The following CNGB3 variants were observed in gnomAD, a reference collection of about 807,000 sequenced individuals.
CNGB3 encodes the protein cyclic nucleotide-gated channel beta-3.
CNGB3 carries 86 observed loss-of-function variants against 92.8 expected under a neutral mutation model. The observed-to-expected ratio is 0.93, with a 90% CI of 0.78 to 1.11. The LOEUF is 1.11. CNGB3 is among the 50% of genes least tolerant of loss of function. The pLI, the probability that CNGB3 is intolerant of heterozygous loss-of-function variation, is 0.00. For synonymous variants in CNGB3, 333 were observed against 332.7 expected (o/e 1.00, Z -0.01); for missense variants, 1,026 against 956.8 (o/e 1.07, Z -0.95).
intron 3 of CNGB3, among the ~76,000 whole-genome samples, chr8:86,724,944 C>T (rs1825034754): frequency 6.6e-6 from 1 of 152,004 alleles, no homozygotes; most frequent in South Asian, 2.1e-4. Flanking sequence ...AGAGACAGAC[C>T]AGGCAGGGCC....
intron 3 of CNGB3, among the ~76,000 whole-genome samples, chr8:86,685,223 C>T (rs1183826365): frequency 2.6e-5 from 4 of 152,028 alleles, no homozygotes; most frequent in Non-Finnish European, 5.9e-5. Flanking sequence ...GCCTCACTAA[C>T]CTGAGGGCAG....
intron 3 of CNGB3, among the ~76,000 whole-genome samples, chr8:86,674,129 C>T (rs1253694679): frequency 1.3e-5 from 2 of 152,126 alleles, no homozygotes; most frequent in South Asian, 2.1e-4. Context: ...ATATAAAAAG[C>T]TATGTTGAAT....
At chr8:86,590,259 A>G (rs1821998345) in intron 15 of CNGB3, among the ~76,000 whole-genome samples, 1 of 151,896 alleles carries the variant, frequency 6.6e-6, no homozygotes, top group Non-Finnish European at 1.5e-5. Flanking sequence ...GGTTTCCTGA[A>G]TACAGCACAC....
At chr8:86,685,418 C>T (rs12676456) in intron 3 of CNGB3, among the ~76,000 whole-genome samples, 24,407 of 151,992 alleles carry the variant, frequency 0.16, 2,428 homozygotes, top group Middle Eastern at 0.31. Context: ...TTTATATGCA[C>T]GTCGACGTTT....
chr8:86,712,545 A>G (rs1476742597), intron 3 of CNGB3, among the ~76,000 whole-genome samples: 8 of 152,010 alleles, frequency 5.3e-5, no homozygotes, highest in African/African-American at 1.9e-4. Context: ...ACTTAAATCC[A>G]CCTTTTTCCT....
At chr8:86,621,718 T>C (rs1018214198) in intron 13 of CNGB3, among the ~76,000 whole-genome samples, 1 of 152,164 alleles carries the variant, frequency 6.6e-6, no homozygotes, top group African/African-American at 2.4e-5. Flanking sequence ...CTCCCACTTA[T>C]AAATGAGTAT....
intron 10 of CNGB3, among the ~76,000 whole-genome samples, chr8:86,636,487 C>T (rs1376179199): frequency 2.1e-5 from 3 of 140,012 alleles, no homozygotes; most frequent in South Asian, 2.3e-4. Context: ...GCAGGAGAAT[C>T]GCTTGAACCC....
In CNGB3 at chr8:86,575,646, A is replaced by G; in HGVS notation, c.*158T>C. Reference sequence around the variant, plus strand: ...TAATCTTCTTATTACCACTGCATGAAATCACACTCTCAGATAAGTCCTAGA... The same window carrying G: ...TAATCTTCTTATTACCACTGCATGAGATCACACTCTCAGATAAGTCCTAGA... On this transcript the variant is annotated 3_prime_UTR_variant, in exon 18 of 18. Coordinates refer to ENST00000320005, the MANE Select transcript of CNGB3 (RefSeq NM_019098.5). 3.4e-6 allele frequency: 2 copies of G among 592,210 alleles called. No homozygotes were observed. Among genetic ancestry groups the G allele is most frequent in the Non-Finnish European group, 2.9e-6 (1 of 339,968 alleles). 36.7% of individuals were successfully genotyped at this position (592,210 alleles called of 1,614,324 possible).
intron 13 of CNGB3, among the ~76,000 whole-genome samples, chr8:86,613,692 G>T (rs1452784236): frequency 6.6e-6 from 1 of 151,476 alleles, no homozygotes; most frequent in Non-Finnish European, 1.5e-5. Flanking sequence ...TTTAATTTTT[G>T]GCACTAATTT....
chr8:86,635,326 T>C (rs1823041166), intron 10 of CNGB3, among the ~76,000 whole-genome samples: 1 of 152,138 alleles, frequency 6.6e-6, no homozygotes, highest in Non-Finnish European at 1.5e-5. Flanking sequence ...TCTCCCAACA[T>C]GGTCAATTCC....
At chr8:86,596,085 G>A (rs1000703444) in intron 15 of CNGB3, among the ~76,000 whole-genome samples, 2 of 152,044 alleles carry the variant, frequency 1.3e-5, no homozygotes, top group Non-Finnish European at 2.9e-5. Context: ...AAATGCAGAA[G>A]GTAAATGATC....
chr8:86,691,518 T>C (rs1824313639), intron 3 of CNGB3, among the ~76,000 whole-genome samples: 1 of 152,212 alleles, frequency 6.6e-6, no homozygotes, highest in African/African-American at 2.4e-5. Context: ...TTGTCATAGA[T>C]GGCTTTTATT....
rs560213874 is a variant in CNGB3, at chr8:86,625,394, C to A, written c.1578+589G>T. 3.4e-4 allele frequency among the ~76,000 whole-genome samples: 51 copies of A among 152,078 alleles called. No individual in the cohort carries two copies. The East Asian group carries it at 9.9e-3, about 29-fold the overall frequency. On this transcript the variant is annotated intron_variant, in intron 13 of 17. Transcript: ENST00000320005. ...AATGGATGAGTCGGTGAATGCTATA[C>A]CCAGAAGGAAATATTAGGTGAGAAA...
intron 2 of CNGB3, among the ~76,000 whole-genome samples, chr8:86,735,383 A>G (rs1825233950): frequency 6.6e-6 from 1 of 151,900 alleles, no homozygotes; most frequent in African/African-American, 2.4e-5. Flanking sequence ...TTGTATTTCA[A>G]GTTGGAATTC....
intron 3 of CNGB3, among the ~76,000 whole-genome samples, chr8:86,724,997 G>A (rs1825036089): frequency 6.6e-6 from 1 of 152,084 alleles, no homozygotes; most frequent in South Asian, 2.1e-4. Flanking sequence ...GAGCTATGCT[G>A]ATTGACCCCT....
At chr8:86,729,463 A>T (rs1825123415) in intron 2 of CNGB3, among the ~76,000 whole-genome samples, 1 of 152,208 alleles carries the variant, frequency 6.6e-6, no homozygotes, top group African/African-American at 2.4e-5. Context: ...AGCCTTTCTA[A>T]ATTGATCCTG....
intron 8 of CNGB3, among the ~76,000 whole-genome samples, chr8:86,646,362 A>G (rs991851241): frequency 2.3e-5 from 3 of 132,602 alleles, no homozygotes; most frequent in African/African-American, 5.4e-5. Context: ...CAGAGCAGAG[A>G]AAAAAAAACC....
chr8:86,667,983 G>T (rs757062453), intron 5 of CNGB3, 36 bp downstream of exon 5: 4 of 1,611,858 alleles, frequency 2.5e-6, no homozygotes, highest in Non-Finnish European at 3.4e-6. Context: ...GTGATAGCCA[G>T]CCCTCCCACT....
At chr8:86,617,987 G>T (rs1822650030) in intron 13 of CNGB3, among the ~76,000 whole-genome samples, 1 of 152,050 alleles carries the variant, frequency 6.6e-6, no homozygotes, top group Non-Finnish European at 1.5e-5. Flanking sequence ...GGAGCCCTGA[G>T]CTTGTTTACC....
Sources: gnomAD v4.1 joint callset for allele counts (sites outside exome capture counted in the v4.1 genomes callset) on GRCh38, gnomAD v4.1.1 for gene constraint, MANE v1.5 for transcripts, NCBI Gene and HGNC (gene_info 2026-07-23, HGNC 2026-07-21) for gene names.